The following CDH18 variants were observed in gnomAD, a reference collection of about 807,000 sequenced individuals.
CDH18 encodes the protein cadherin-18.
CDH18 carries 31 observed loss-of-function variants against 67.9 expected under a neutral mutation model. That is an observed-to-expected ratio of 0.46 (90% confidence interval 0.34 to 0.62). CDH18 has a LOEUF of 0.62. Among genes scored for constraint, CDH18 ranks in the 20% least tolerant of loss-of-function variants. The pLI, the probability that CDH18 is intolerant of heterozygous loss-of-function variation, is 0.01. For missense variants in CDH18, 890 were observed against 975.5 expected, an observed-to-expected ratio of 0.91 and a Z score of 1.17; for synonymous variants, 362 against 347.2, an observed-to-expected ratio of 1.04 and a Z score of -0.48.
At chr5:19,725,013 G>A (rs956247122) in intron 4 of CDH18, among the ~76,000 whole-genome samples, 3 of 148,512 alleles carry the variant, frequency 2.0e-5, no homozygotes, top group East Asian at 2.0e-4. Context: ...TGCAAGCTCC[G>A]CCTCCTGGGT....
chr5:19,882,153 T>C (rs1297679998), intron 2 of CDH18, among the ~76,000 whole-genome samples: 2 of 152,178 alleles, frequency 1.3e-5, no homozygotes, highest in South Asian at 2.1e-4. Context: ...TGTCTTACAA[T>C]ATTATTTTAT....
chr5:20,454,338 A>ATT (rs150384243), intron 1 of CDH18, among the ~76,000 whole-genome samples: 8 of 151,806 alleles, frequency 5.3e-5, no homozygotes, highest in African/African-American at 1.9e-4. Context: ...CATAACTTTC[A>ATT]TTTTTTTTCA....
intron 1 of CDH18, among the ~76,000 whole-genome samples, chr5:20,443,726 G>C (rs888097695): frequency 6.6e-6 from 1 of 151,708 alleles, no homozygotes; most frequent in East Asian, 1.9e-4. Context: ...TACAATACTT[G>C]TCTTCCTCAG....
chr5:20,463,133 C>G (rs1296601778), intron 1 of CDH18, among the ~76,000 whole-genome samples: 3 of 151,918 alleles, frequency 2.0e-5, no homozygotes, highest in Non-Finnish European at 2.9e-5. Context: ...TTTGTAAACA[C>G]AATAGACAAG....
intron 2 of CDH18, among the ~76,000 whole-genome samples, chr5:19,874,392 T>C (rs538753915): frequency 1.3e-5 from 2 of 152,336 alleles, no homozygotes; most frequent in South Asian, 2.1e-4. Flanking sequence ...TCTTTAATAA[T>C]ATCTTCCACA....
chr5:19,592,056 T>C (rs1241183507), intron 6 of CDH18, among the ~76,000 whole-genome samples: 1 of 152,078 alleles, frequency 6.6e-6, no homozygotes, highest in African/African-American at 2.4e-5. Flanking sequence ...TCCCCTATGA[T>C]AGTATTCAAC....
chr5:20,209,905 C>A (rs1210931110), intron 2 of CDH18, among the ~76,000 whole-genome samples: 1 of 151,490 alleles, frequency 6.6e-6, no homozygotes, highest in Non-Finnish European at 1.5e-5. Context: ...GATATTTACA[C>A]ATTATATGAA....
chr5:19,597,998 T>C (rs1746444034), intron 6 of CDH18, among the ~76,000 whole-genome samples: 2 of 152,206 alleles, frequency 1.3e-5, no homozygotes, highest in South Asian at 2.1e-4. Flanking sequence ...CTACAAGTTA[T>C]CTAACCTTAT....
chr5:20,266,238 G>A (rs1745021948), intron 1 of CDH18, among the ~76,000 whole-genome samples: 1 of 141,534 alleles, frequency 7.1e-6, no homozygotes, highest in African/African-American at 2.7e-5. Context: ...CTAGCTTATT[G>A]GTTCTATTTC....
Position 19,491,050 on chromosome 5 carries a change from C to G in CDH18, c.1631-7498G>C, listed in dbSNP as rs145355172. Among the ~76,000 whole-genome samples the G allele has an allele frequency of 3.1e-4, 47 of 152,254 alleles. 1 individual carries two copies. Among genetic ancestry groups the G allele is most frequent in the African/African-American group, 1.1e-3 (45 of 41,550 alleles). On this transcript the variant is annotated intron_variant, in intron 11 of 12. Transcript: ENST00000382275. ...TTAGGGTCAAGATTGTATACATGCT[C>G]TTTAATTTCTCACTAGTCAAGCTTG...
chr5:20,522,871 C>A (rs1281877197), intron 1 of CDH18, among the ~76,000 whole-genome samples: 1 of 152,104 alleles, frequency 6.6e-6, no homozygotes, highest in African/African-American at 2.4e-5. Flanking sequence ...GAATAAAAAT[C>A]CAATAACTCA....
upstream of CDH18, among the ~76,000 whole-genome samples, chr5:19,992,806 T>G (rs1561693458): frequency 6.6e-6 from 1 of 152,170 alleles, no homozygotes; most frequent in South Asian, 2.1e-4. Flanking sequence ...CCCTCATGAT[T>G]TCGTTATAGC....
rs751691015 is a variant in CDH18, at chr5:19,503,056, C to A, written c.1566G>T (p.Arg522Ser). 6.8e-6 allele frequency: 11 copies of A among 1,612,810 alleles called. No individual in the cohort carries two copies. The African/African-American group carries it at 1.2e-4, about 18-fold the overall frequency. ...TDKDDFANGPRFNFFLDERLP... is the reference protein window; with the variant it reads ...TDKDDFANGPSFNFFLDERLP... ...GGCGTTCATCAAGAAAGAAGTTAAA[C>A]CTTGGTCCATTGGCAAAATCATCTT... Residue 522 changes from arginine (R) to serine (S), a missense_variant, in exon 11 of 13, where the codon AGG (arginine) becomes AGT (serine). Around this residue, in one of 2 missense-constraint regions of CDH18, gnomAD observed 656 missense variants for 668.1 expected, o/e 0.98. Transcript: ENST00000382275.
chr5:20,300,397 C>G (rs527729042), intron 1 of CDH18, among the ~76,000 whole-genome samples: 163 of 151,910 alleles, frequency 1.1e-3, no homozygotes, highest in Non-Finnish European at 1.8e-3. Flanking sequence ...TGCTGTCTGT[C>G]TCCACATTAA....
intron 3 of CDH18, among the ~76,000 whole-genome samples, chr5:19,755,745 T>C (rs1230532528): frequency 2.0e-5 from 3 of 151,622 alleles, no homozygotes; most frequent in East Asian, 3.9e-4. Context: ...ACTGAAGAAC[T>C]TGGAGTCCAA....
At chr5:20,106,547 T>C (rs1290535440) in intron 2 of CDH18, among the ~76,000 whole-genome samples, 3 of 152,234 alleles carry the variant, frequency 2.0e-5, no homozygotes, top group Non-Finnish European at 4.4e-5. Context: ...TCAATTTTCA[T>C]GTCTTAATTA....
In CDH18 at chr5:20,385,453, G is replaced by A. The variant is rs566395458; in HGVS notation, c.-579-129948C>T. Among the ~76,000 whole-genome samples the A allele has an allele frequency of 1.6e-3, 236 of 152,194 alleles. 6 individuals carry two copies. Among genetic ancestry groups the A allele is most frequent in the Non-Finnish European group, 4.7e-4 (32 of 68,014 alleles). On this transcript the variant is annotated intron_variant, in intron 1 of 14. Transcript: ENST00000507958. ...AAAACCTTCATAACAAGCAAAATGA[G>A]AATCCTGTGACTTCTTCAGGCTAAC...
intron 2 of CDH18, among the ~76,000 whole-genome samples, chr5:19,998,106 A>T (rs926693866): frequency 6.6e-6 from 1 of 152,144 alleles, no homozygotes; most frequent in Non-Finnish European, 1.5e-5. Context: ...AACCAGGATA[A>T]TGAAATGGTA....
intron 1 of CDH18, among the ~76,000 whole-genome samples, chr5:20,415,132 T>A (rs2150149839): frequency 1.3e-5 from 2 of 152,252 alleles, no homozygotes; most frequent in South Asian, 4.2e-4. Flanking sequence ...ACGCCTGTAA[T>A]CCTAGCACTT....
Sources: allele counts gnomAD v4.1 joint callset (sites outside exome capture counted in the v4.1 genomes callset), GRCh38; gene constraint gnomAD v4.1.1; regional missense constraint gnomAD v4.1.1; transcripts MANE v1.5; gene names NCBI Gene and HGNC (gene_info 2026-07-23, HGNC 2026-07-21).